Variants in ARHGEF28 observed in about 807,000 individuals in gnomAD.
ARHGEF28 encodes the protein 190 kDa guanine nucleotide exchange factor.
ARHGEF28 carries 152 observed loss-of-function variants against 206.6 expected under a neutral mutation model. The ratio of observed to expected loss-of-function variants is 0.74; its 90% CI spans 0.64 to 0.84. The LOEUF (loss-of-function observed/expected upper bound fraction) is 0.84, where lower values mean the gene tolerates loss of function less well. ARHGEF28 is among the 40% of genes least tolerant of loss of function. ARHGEF28 has a pLI of 0.00. For missense variants in ARHGEF28, 2,028 were observed against 2,073.2 expected, an observed-to-expected ratio of 0.98 and a Z score of 0.42; for synonymous variants, 763 against 776.4, an observed-to-expected ratio of 0.98 and a Z score of 0.29.
chr5:73,683,357 G>T (rs888054615), intron 1 of ARHGEF28, among the ~76,000 whole-genome samples: 2 of 152,016 alleles, frequency 1.3e-5, no homozygotes, highest in Non-Finnish European at 2.9e-5. Context: ...AAAGTCCTCT[G>T]TGTCCCACCC....
At chr5:73,905,953 T>C (rs1762525204) in intron 33 of ARHGEF28, among the ~76,000 whole-genome samples, 2 of 152,230 alleles carry the variant, frequency 1.3e-5, no homozygotes, top group South Asian at 4.1e-4. Context: ...CATTTTTCCC[T>C]CACTGGTTTA....
At chr5:73,925,268 T>G (rs545528141) in intron 35 of ARHGEF28, among the ~76,000 whole-genome samples, 1 of 152,248 alleles carries the variant, frequency 6.6e-6, no homozygotes, top group Non-Finnish European at 1.5e-5. Context: ...TGTTCTCTCC[T>G]TTCTCATCCT....
At position 73,894,392 on chromosome 5, in the gene ARHGEF28, G is replaced by A; in HGVS notation, c.3659-1G>A. The A allele has an allele frequency of 6.2e-7, 1 of 1,602,590 alleles. No individual in the cohort carries two copies. The highest frequency in any genetic ancestry group is 8.5e-7 in the Non-Finnish European group (1 of 1,172,464). The stretch of plus-strand genomic sequence containing the variant: ...CTTCTATGGTAAATACTATTTCATA[G>A]AAATACTCACTAACCAAGACCAACA... On this transcript the variant is annotated splice_acceptor_variant, in intron 28 of 35. Transcript: ENST00000513042. LOFTEE classifies it high-confidence loss of function.
chr5:73,785,184 T>C (rs903282387), intron 7 of ARHGEF28, among the ~76,000 whole-genome samples: 9 of 152,234 alleles, frequency 5.9e-5, no homozygotes, highest in African/African-American at 2.2e-4. Flanking sequence ...CAGGGGCTAC[T>C]GTATATGAAA....
At chr5:73,761,137 C>A (rs1426762355) in intron 4 of ARHGEF28, among the ~76,000 whole-genome samples, 1 of 152,188 alleles carries the variant, frequency 6.6e-6, no homozygotes, top group Non-Finnish European at 1.5e-5. Context: ...TGGCTTACCT[C>A]CTCTGGGGCT....
chr5:73,737,439 C>CTTTTCTTTTCTTTTCTTTTCTT (rs1751018089), intron 2 of ARHGEF28, among the ~76,000 whole-genome samples: 1 of 72,500 alleles, frequency 1.4e-5, no homozygotes, highest in South Asian at 6.3e-4. Context: ...AGCCCTCTTC[C>CTTTTCTTTTCTTTTCTTTTCTT]TTCTTTTCTT....
intron 5 of ARHGEF28, among the ~76,000 whole-genome samples, chr5:73,776,105 A>G (rs895700932): frequency 6.6e-6 from 1 of 152,238 alleles, no homozygotes; most frequent in Non-Finnish European, 1.5e-5. Context: ...CCTGGAGATC[A>G]TATCTGTTTT....
chr5:73,934,999 A>C (rs1331271812), intron 35 of ARHGEF28, among the ~76,000 whole-genome samples: 2 of 152,224 alleles, frequency 1.3e-5, no homozygotes, highest in Non-Finnish European at 2.9e-5. Context: ...GAGGGAAGGA[A>C]GAGCATGAGA....
At chr5:73,807,487 CT>C (rs577924923) in intron 9 of ARHGEF28, among the ~76,000 whole-genome samples, 379 of 142,124 alleles carry the variant, frequency 2.7e-3, no homozygotes, top group Middle Eastern at 7.3e-3. Flanking sequence ...CAATGTAATT[CT>C]TTTTTTTTTT....
chr5:73,852,596 A>G lies in ARHGEF28; in HGVS notation c.1748-54A>G, dbSNP rs143761889. The stretch of plus-strand genomic sequence containing the variant: ...TTGAGTATGCATTTCAGACTAACAT[A>G]TGACTGCCAGTTTGTGTGCCTTAGT... On this transcript the variant is annotated intron_variant, in intron 13 of 35. Transcript: ENST00000513042. 750 of 1,521,750 alleles carry G rather than the reference A, an allele frequency of 4.9e-4. 8 individuals carry two copies. In the Admixed American group the frequency reaches 0.012, roughly 24 times the overall value. The allele number at this position is 1,521,750 out of a possible 1,614,324, so 94.3% of individuals were successfully genotyped here. A position where few individuals can be genotyped will look rare whatever the true frequency, so the allele number is the denominator to read the frequency against.
chr5:73,761,153 C>T (rs1417820629), intron 4 of ARHGEF28, among the ~76,000 whole-genome samples: 1 of 152,188 alleles, frequency 6.6e-6, no homozygotes, highest in Non-Finnish European at 1.5e-5. Flanking sequence ...GGGCTTTTCT[C>T]CCCTTAAAAC....
chr5:73,884,626 T>C (rs2112669803), intron 24 of ARHGEF28, among the ~76,000 whole-genome samples: 1 of 152,362 alleles, frequency 6.6e-6, no homozygotes, highest in East Asian at 1.9e-4. Flanking sequence ...TGTACACTTG[T>C]GTTGCATTGT....
intron 9 of ARHGEF28, among the ~76,000 whole-genome samples, chr5:73,814,555 T>C (rs898035278): frequency 6.6e-6 from 1 of 152,070 alleles, no homozygotes; most frequent in African/African-American, 2.4e-5. Context: ...GTTCTTGTCT[T>C]GTGCAGGGAC....
chr5:73,900,956 TG>T, intron 30 of ARHGEF28: 2 of 423,194 alleles, frequency 4.7e-6, no homozygotes, highest in Non-Finnish European at 8.8e-6. Context: ...GGTGATACTT[TG>T]TGCGGTTCGT....
chr5:73,798,369 CT>C (rs1213289734), intron 9 of ARHGEF28, among the ~76,000 whole-genome samples: 1 of 151,928 alleles, frequency 6.6e-6, no homozygotes, highest in Admixed American at 6.6e-5. Context: ...TTTTATTGAC[CT>C]TTCAGGGCAT....
chr5:73,743,716 A>G (rs1751566278), intron 2 of ARHGEF28, among the ~76,000 whole-genome samples: 1 of 152,204 alleles, frequency 6.6e-6, no homozygotes, highest in Admixed American at 6.5e-5. Flanking sequence ...TACTCTTCTC[A>G]GAATCTGTAA....
At chr5:73,925,195 C>T (rs1236414943) in intron 35 of ARHGEF28, among the ~76,000 whole-genome samples, 1 of 152,198 alleles carries the variant, frequency 6.6e-6, no homozygotes, top group Non-Finnish European at 1.5e-5. Context: ...GGAAGTCCCT[C>T]ACCCTTTATG....
chr5:73,938,407 GAAGAA>G (rs1284552672), intron 35 of ARHGEF28, among the ~76,000 whole-genome samples: 1 of 152,120 alleles, frequency 6.6e-6, no homozygotes, highest in African/African-American at 2.4e-5. Flanking sequence ...CACCCCAGAT[GAAGAA>G]AACCTACATA....
At chr5:73,629,011 T>C (rs1307412369) in intron 1 of ARHGEF28, among the ~76,000 whole-genome samples, 1 of 152,224 alleles carries the variant, frequency 6.6e-6, no homozygotes, top group Non-Finnish European at 1.5e-5. Context: ...GGGCTCTCTT[T>C]CTATGAACAT....
Sources: allele counts gnomAD v4.1 joint callset (sites outside exome capture counted in the v4.1 genomes callset), GRCh38; gene constraint gnomAD v4.1.1; transcripts MANE v1.5; gene names NCBI Gene and HGNC (gene_info 2026-07-23, HGNC 2026-07-21).